Variants in SBF2 observed in about 807,000 individuals in gnomAD.
SBF2 encodes SET binding factor 2.
A neutral mutation model predicts 225.2 loss-of-function variants in SBF2; 112 were observed. That is an observed-to-expected ratio of 0.50 (90% CI 0.43 to 0.58). SBF2 has a LOEUF of 0.58. Among genes scored for constraint, SBF2 ranks in the 20% least tolerant of loss-of-function variants. The probability of loss-of-function intolerance (pLI) is 0.00; values close to 1 mark genes in which losing one functional copy is unlikely to be tolerated. For synonymous variants in SBF2, 763 were observed against 773.3 expected (o/e 0.99, Z 0.22); for missense variants, 1,996 against 2,206.2 (o/e 0.90, Z 1.91).
intron 2 of SBF2, among the ~76,000 whole-genome samples, chr11:10,178,470 C>G (rs1169635909): frequency 2.7e-5 from 4 of 146,830 alleles, no homozygotes; most frequent in Non-Finnish European, 6.0e-5. Context: ...TATCCAGAAT[C>G]TACAATGAAC....
At chr11:10,255,402 TCTA>T (rs773813662) in intron 1 of SBF2, among the ~76,000 whole-genome samples, 1 of 152,132 alleles carries the variant, frequency 6.6e-6, no homozygotes, top group Non-Finnish European at 1.5e-5. Flanking sequence ...GAAAAACAAA[TCTA>T]CTGGTTTGTC....
chr11:9,977,881 A>G (rs955187591), intron 13 of SBF2, among the ~76,000 whole-genome samples: 3 of 152,152 alleles, frequency 2.0e-5, no homozygotes, highest in African/African-American at 7.2e-5. Context: ...AATATAAAGG[A>G]GTGGTGAGAA....
chr11:9,903,010 G>A (rs2134159350), intron 16 of SBF2, among the ~76,000 whole-genome samples: 1 of 151,846 alleles, frequency 6.6e-6, no homozygotes, highest in Non-Finnish European at 1.5e-5. Context: ...AAAAGAAGTG[G>A]AAAAAGAAAC....
chr11:9,918,297 C>A, intron 16 of SBF2, among the ~76,000 whole-genome samples: 1 of 151,950 alleles, frequency 6.6e-6, no homozygotes. Context: ...CTGTTTTCCC[C>A]CCCATCCTCC....
At chr11:10,162,250 G>A (rs1175309644) in intron 2 of SBF2, among the ~76,000 whole-genome samples, 1 of 149,378 alleles carries the variant, frequency 6.7e-6, no homozygotes, top group African/African-American at 2.5e-5. Context: ...ATTATAGTTT[G>A]AGCATTCTGT....
intron 13 of SBF2, among the ~76,000 whole-genome samples, chr11:9,984,631 G>C (rs1259827584): frequency 6.6e-6 from 1 of 152,136 alleles, no homozygotes; most frequent in East Asian, 1.9e-4. Context: ...ATTGTCATCA[G>C]GTTATTCAAA....
At chr11:10,183,823 A>C (rs1373352567) in intron 2 of SBF2, among the ~76,000 whole-genome samples, 1 of 152,220 alleles carries the variant, frequency 6.6e-6, no homozygotes, top group East Asian at 1.9e-4. Flanking sequence ...AATTGTGGTT[A>C]TTAGAGGCTG....
intron 19 of SBF2, among the ~76,000 whole-genome samples, chr11:9,855,998 C>T (rs1857287532): frequency 6.6e-6 from 1 of 152,170 alleles, no homozygotes; most frequent in African/African-American, 2.4e-5. Context: ...TCCGTTAGGC[C>T]TTGCAGGCCA....
intron 17 of SBF2, among the ~76,000 whole-genome samples, chr11:9,865,960 C>A (rs1210062718): frequency 6.6e-6 from 1 of 152,050 alleles, no homozygotes; most frequent in Non-Finnish European, 1.5e-5. Flanking sequence ...ATTATAAACA[C>A]TGATGCATAA....
chr11:10,131,431 G>A (rs947204931), intron 2 of SBF2, among the ~76,000 whole-genome samples: 1 of 151,354 alleles, frequency 6.6e-6, no homozygotes, highest in African/African-American at 2.4e-5. Context: ...AAAAGATTGT[G>A]ATTTGAGAGT....
intron 13 of SBF2, among the ~76,000 whole-genome samples, chr11:9,974,334 A>G (rs903937151): frequency 1.3e-5 from 2 of 152,182 alleles, no homozygotes; most frequent in African/African-American, 4.8e-5. Flanking sequence ...TAAGATGTTT[A>G]GAAGTATCTT....
At chr11:10,130,532 T>C (rs1294865164) in intron 2 of SBF2, among the ~76,000 whole-genome samples, 1 of 152,174 alleles carries the variant, frequency 6.6e-6, no homozygotes, top group Non-Finnish European at 1.5e-5. Context: ...TCTTATATAA[T>C]ACAATATCAA....
chr11:10,078,414 T>C (rs1354170144), intron 2 of SBF2, among the ~76,000 whole-genome samples: 1 of 151,900 alleles, frequency 6.6e-6, no homozygotes, highest in Non-Finnish European at 1.5e-5. Context: ...ATAAAGAAAA[T>C]GTGGCACATA....
rs375407366 is a variant in SBF2, at chr11:9,858,302, T to C, written c.2024A>G (p.Asn675Ser). The stretch of plus-strand genomic sequence containing the variant: ...GGAGCGAACCTGTTCCTGCACTGCA[T>C]TGTAAAAGGTTGTCTCCCAAAATTG... Reference protein sequence around the residue: ...NQQFWETTFYNAVQEQVRSLY... With the variant: ...NQQFWETTFYSAVQEQVRSLY... Residue 675 changes from asparagine (N) to serine (S), a missense_variant, in exon 18 of 40, where the codon AAT (asparagine) becomes AGT (serine). By Grantham distance (46) the Asn-to-Ser change is conservative. Coordinates refer to ENST00000256190, the MANE Select transcript of SBF2 (RefSeq NM_030962.4). 1.5e-5 allele frequency: 25 copies of C among 1,614,074 alleles called. No homozygotes were observed. Among genetic ancestry groups the C allele is most frequent in the Admixed American group, 1.5e-4 (9 of 60,006 alleles).
At chr11:9,858,450 C>G in intron 17 of SBF2, 54 bp from the exon 18 acceptor site, 1 of 1,556,082 alleles carries the variant, frequency 6.4e-7, no homozygotes, top group South Asian at 1.1e-5. Context: ...TATAACAGTT[C>G]ATAAGGTCAC....
At chr11:9,824,071 G>A (rs1363487097) in intron 28 of SBF2, among the ~76,000 whole-genome samples, 1 of 152,194 alleles carries the variant, frequency 6.6e-6, no homozygotes, top group East Asian at 1.9e-4. Context: ...AATATTTATA[G>A]CCTCAGATAT....
intron 1 of SBF2, among the ~76,000 whole-genome samples, chr11:10,217,098 T>C (rs1182590056): frequency 1.3e-5 from 2 of 152,206 alleles, no homozygotes; most frequent in Non-Finnish European, 2.9e-5. Context: ...AGAGGTTTAA[T>C]GTAATAAAGT....
intron 2 of SBF2, among the ~76,000 whole-genome samples, chr11:10,166,730 A>G (rs4622247): frequency 0.073 from 11,112 of 152,154 alleles, 591 homozygotes; most frequent in East Asian, 0.28. Context: ...TGGGAGACCG[A>G]GGTGGGGAGA....
At chr11:10,112,062 A>AT (rs2135015799) in intron 2 of SBF2, among the ~76,000 whole-genome samples, 1 of 152,364 alleles carries the variant, frequency 6.6e-6, no homozygotes, top group Admixed American at 6.5e-5. Flanking sequence ...AATTTCAAGA[A>AT]TCAAAGTATG....
Sources: gnomAD v4.1 joint callset for allele counts (sites outside exome capture counted in the v4.1 genomes callset) on GRCh38, gnomAD v4.1.1 for gene constraint, MANE v1.5 for transcripts, NCBI Gene and HGNC (gene_info 2026-07-23, HGNC 2026-07-21) for gene names.